NCALD: variants seen among roughly 807,000 people sequenced by gnomAD.
The protein encoded by NCALD is neurocalcin-delta.
NCALD carries 10 observed loss-of-function variants against 18.6 expected under a neutral mutation model. That is an observed-to-expected ratio of 0.54 (90% CI 0.33 to 0.91). NCALD has a LOEUF of 0.91. Ranked by LOEUF, NCALD falls within the 40% of genes least tolerant of loss-of-function variation. NCALD has a pLI of 0.03. For synonymous variants in NCALD, 88 were observed against 87.4 expected, an observed-to-expected ratio of 1.01 and a Z score of -0.04; for missense variants, 184 against 247.6, an observed-to-expected ratio of 0.74 and a Z score of 1.72.
chr8:101,835,169 TG>T (rs1261087141), intron 4 of NCALD, among the ~76,000 whole-genome samples: 1 of 152,252 alleles, frequency 6.6e-6, no homozygotes, highest in Non-Finnish European at 1.5e-5. Context: ...CATCGGATGC[TG>T]TAACAAGTAA....
intron 4 of NCALD, among the ~76,000 whole-genome samples, chr8:101,827,456 C>T (rs1008435208): frequency 1.3e-5 from 2 of 152,150 alleles, no homozygotes; most frequent in African/African-American, 2.4e-5. Flanking sequence ...GCCACAAGTC[C>T]CTGAACAAAT....
At chr8:102,095,244 G>A (rs1825053515) in intron 1 of NCALD, among the ~76,000 whole-genome samples, 1 of 152,190 alleles carries the variant, frequency 6.6e-6, no homozygotes, top group African/African-American at 2.4e-5. Context: ...GGGTGCGAGA[G>A]ATAGAGGGTG....
intron 4 of NCALD, among the ~76,000 whole-genome samples, chr8:101,815,400 T>C (rs941939495): frequency 3.3e-5 from 5 of 152,026 alleles, no homozygotes; most frequent in Non-Finnish European, 5.9e-5. Flanking sequence ...GCTAGAACAA[T>C]TGGATATCCA....
intron 2 of NCALD, among the ~76,000 whole-genome samples, chr8:101,714,983 G>A (rs548286046): frequency 1.4e-5 from 2 of 143,342 alleles, no homozygotes; most frequent in South Asian, 2.1e-4. Context: ...CGGCCTGGGC[G>A]ACAGAGCGAG....
chr8:101,978,005 GC>G (rs1297302189), intron 2 of NCALD, among the ~76,000 whole-genome samples: 5 of 151,342 alleles, frequency 3.3e-5, no homozygotes, highest in African/African-American at 1.2e-4. Context: ...CGCCCTCAGT[GC>G]CCCCTCCCCA....
rs183985701 is a variant in NCALD, at chr8:101,689,235, A to G, written c.*74T>C. ...ACCATTGATATTGTTTGGCAAAAAA[A>G]AAAAAAAATTGTTAAAAAGAAGAAT... On this transcript the variant is annotated 3_prime_UTR_variant, in exon 4 of 4. Coordinates refer to ENST00000220931, the MANE Select transcript of NCALD (RefSeq NM_032041.3). The surrounding 1 kb of genome is among the most constrained non-coding windows in gnomAD (Gnocchi z 4.4). 214 of 1,489,188 alleles carry G rather than the reference A, an allele frequency of 1.4e-4. No individual in the cohort carries two copies. In the African/African-American group the frequency reaches 2.8e-3, roughly 19 times the overall value. 92.2% of individuals were successfully genotyped at this position (1,489,188 alleles called of 1,614,324 possible). A position where few individuals can be genotyped will look rare whatever the true frequency, so the allele number is the denominator to read the frequency against.
At chr8:101,864,472 G>A (rs1019056866) in intron 4 of NCALD, among the ~76,000 whole-genome samples, 3 of 152,168 alleles carry the variant, frequency 2.0e-5, no homozygotes, top group Admixed American at 2.0e-4. Context: ...TCTGGAGAGA[G>A]AGAGGTGAGA....
intron 2 of NCALD, among the ~76,000 whole-genome samples, chr8:101,708,459 T>C (rs922152321): frequency 2.6e-5 from 4 of 152,212 alleles, no homozygotes; most frequent in Non-Finnish European, 5.9e-5. Context: ...ACTTTCTCCA[T>C]TGAAGTGGAA....
chr8:101,895,649 A>G (rs956069020), intron 3 of NCALD, among the ~76,000 whole-genome samples: 6 of 148,550 alleles, frequency 4.0e-5, no homozygotes, highest in African/African-American at 1.3e-4. Flanking sequence ...TTAAGCTGAT[A>G]AGCAACTTCA....
chr8:102,005,879 G>C (rs1466069286), intron 2 of NCALD, among the ~76,000 whole-genome samples: 1 of 148,132 alleles, frequency 6.8e-6, no homozygotes, highest in Non-Finnish European at 1.5e-5. Context: ...GGCCTGTTGT[G>C]GGGTGGGGGG....
intron 4 of NCALD, among the ~76,000 whole-genome samples, chr8:101,886,899 A>G (rs1321908043): frequency 6.6e-6 from 1 of 152,134 alleles, no homozygotes; most frequent in Non-Finnish European, 1.5e-5. Context: ...CCGCTTAATC[A>G]GTCACCAGAA....
intron 1 of NCALD, among the ~76,000 whole-genome samples, chr8:102,113,497 G>A (rs1825696531): frequency 6.6e-6 from 1 of 152,200 alleles, no homozygotes; most frequent in African/African-American, 2.4e-5. Flanking sequence ...TTTTGCCTAT[G>A]TTTTTCAAAT....
chr8:101,850,022 T>G (rs1815027272), intron 4 of NCALD, among the ~76,000 whole-genome samples: 1 of 152,218 alleles, frequency 6.6e-6, no homozygotes, highest in African/African-American at 2.4e-5. Flanking sequence ...GATTAGCCAT[T>G]CCCTTGTCAC....
chr8:101,830,065 G>T (rs772264293), intron 4 of NCALD, among the ~76,000 whole-genome samples: 1 of 147,568 alleles, frequency 6.8e-6, no homozygotes. Flanking sequence ...GTACTGTTGA[G>T]AATCTTATGT....
chr8:101,818,493 C>A (rs767641220), intron 4 of NCALD, among the ~76,000 whole-genome samples: 16 of 152,208 alleles, frequency 1.1e-4, no homozygotes, highest in Non-Finnish European at 2.2e-4. Flanking sequence ...AATTCCAGAA[C>A]ATTGAGAAGC....
At chr8:102,084,243 C>T (rs568652096) in intron 1 of NCALD, among the ~76,000 whole-genome samples, 1 of 152,296 alleles carries the variant, frequency 6.6e-6, no homozygotes, top group African/African-American at 2.4e-5. Flanking sequence ...GGAATGTATT[C>T]GAATCACACA....
intron 1 of NCALD, among the ~76,000 whole-genome samples, chr8:101,777,790 C>G (rs1811855199): frequency 6.6e-6 from 1 of 152,062 alleles, no homozygotes; most frequent in Non-Finnish European, 1.5e-5. Flanking sequence ...AAGAATAAAT[C>G]AAGAACTGGG....
intron 1 of NCALD, among the ~76,000 whole-genome samples, chr8:101,723,105 G>T (rs1276109361): frequency 6.6e-6 from 1 of 152,198 alleles, no homozygotes; most frequent in African/African-American, 2.4e-5. Context: ...GATAACATTA[G>T]GGAAATGCTA....
At chr8:101,712,291 C>T (rs1333879658) in intron 2 of NCALD, among the ~76,000 whole-genome samples, 1 of 152,108 alleles carries the variant, frequency 6.6e-6, no homozygotes, top group Admixed American at 6.5e-5. Flanking sequence ...CTGGTACCAA[C>T]CACTGCAAAA....
Sources: gnomAD v4.1 joint callset for allele counts (sites outside exome capture counted in the v4.1 genomes callset) on GRCh38, gnomAD v4.1.1 for gene constraint, Gnocchi (gnomAD v3.1) non-coding constraint, MANE v1.5 for transcripts, NCBI Gene and HGNC (gene_info 2026-07-23, HGNC 2026-07-21) for gene names.